Variants in SMG9 observed in about 807,000 individuals in gnomAD.
The protein encoded by SMG9 is SMG9 nonsense mediated mRNA decay factor, also known as nonsense-mediated mRNA decay factor SMG9.
A neutral mutation model predicts 64.0 loss-of-function variants in SMG9; 55 were observed. The ratio of observed to expected loss-of-function variants is 0.86; its 90% CI spans 0.69 to 1.08. The LOEUF (loss-of-function observed/expected upper bound fraction) is 1.08. Among genes scored for constraint, SMG9 ranks in the 50% least tolerant of loss-of-function variants. The pLI, the probability that SMG9 is intolerant of heterozygous loss-of-function variation, is 0.00. For missense variants in SMG9, 554 were observed against 681.3 expected (o/e 0.81, Z 2.08); for synonymous variants, 244 against 254.8 (o/e 0.96, Z 0.41).
Position 43,733,003 on chromosome 19 carries a change from C to G in SMG9, c.1340-1G>C, listed in dbSNP as rs761506566. ...GAGAAGAGTGGGCTGGAACCAGGTC[C>G]TGGAAAGTTGGGGCAGGGAGGGTAA... is the stretch of plus-strand genomic sequence containing the variant. On this transcript the variant is annotated splice_acceptor_variant, in intron 12 of 13. Transcript: ENST00000270066. LOFTEE classifies it high-confidence loss of function. The G allele has an allele frequency of 6.2e-7, 1 of 1,607,776 alleles. No individual in the cohort carries two copies. The highest frequency in any genetic ancestry group is 8.5e-7 in the Non-Finnish European group (1 of 1,176,952).
intron 12 of SMG9, 66 bp from the exon 13 acceptor site, chr19:43,733,068 A>G (rs1461224988): frequency 6.5e-7 from 1 of 1,531,818 alleles, no homozygotes; most frequent in African/African-American, 1.4e-5. Context: ...AGTTAACAGC[A>G]TCCTGGGCTT....
Position 43,747,549 on chromosome 19 carries a change from G to C in SMG9, c.491-10C>G, listed in dbSNP as rs766081072. ...GCCTGACCCACGACAGCTGGAGATT[G>C]GAGAAAGCAGGAGACAGAGGATGCA... On this transcript the variant is annotated splice_polypyrimidine_tract_variant and intron_variant, in intron 4 of 13. Coordinates refer to ENST00000270066, the MANE Select transcript of SMG9 (RefSeq NM_019108.4). The C allele has an allele frequency of 5.6e-6, 9 of 1,614,188 alleles. No homozygotes were observed. The highest frequency in any genetic ancestry group is 7.6e-6 in the Non-Finnish European group (9 of 1,180,038).
chr19:43,747,862 G>C lies in SMG9; in HGVS notation c.261C>G (p.Ala87=). 6.2e-7 allele frequency: 1 copy of C among 1,608,418 alleles called. No homozygotes were observed. The highest frequency in any genetic ancestry group is 8.5e-7 in the Non-Finnish European group (1 of 1,176,942). The stretch of plus-strand genomic sequence containing the variant: ...TCTCCAGAGGGGCTGGAGCAGGCGG[G>C]GCAGCAGGGGCTGTTGGAGGTGGTG... ...KQPPPPTAPA[A]PPAPAPLEKP... Residue 87 remains alanine (A), a synonymous_variant, in exon 4 of 14, where the codon GCC becomes GCG. Coordinates refer to ENST00000270066, the MANE Select transcript of SMG9 (RefSeq NM_019108.4).
In SMG9 at chr19:43,733,361, C is replaced by T. The variant is rs769472662; in HGVS notation, c.1302G>A (p.Met434Ile). Residue 434 changes from methionine (M) to isoleucine (I), a missense_variant, in exon 12 of 14, where the codon ATG (methionine) becomes ATA (isoleucine). By Grantham distance (10) the Met-to-Ile change is conservative. Transcript: ENST00000270066. ...SEVNLFLVPF[M>I]DSEAESENPP... ...GGTTTTCACTCTCTGCTTCACTGTC[C>T]ATGAAGGGTACCAGGAATAAGTTGA... 1.9e-6 allele frequency: 3 copies of T among 1,614,108 alleles called. No homozygotes were observed. The highest frequency in any genetic ancestry group is 3.3e-5 in the Admixed American group (2 of 60,004).
chr19:43,731,908 A>G (rs1052831535), intron 13 of SMG9, among the ~76,000 whole-genome samples: 2 of 152,218 alleles, frequency 1.3e-5, no homozygotes, highest in Non-Finnish European at 2.9e-5. Flanking sequence ...CAGGGCTTGG[A>G]CTAAGACCTC....
intron 8 of SMG9, 93 bp from the exon 9 acceptor site, chr19:43,737,775 A>C: frequency 7.8e-7 from 1 of 1,279,412 alleles, no homozygotes; most frequent in Non-Finnish European, 1.1e-6. Context: ...AGGAGGCAGC[A>C]AGGCAAGGAG....
intron 9 of SMG9, among the ~76,000 whole-genome samples, chr19:43,736,490 C>T (rs1968670287): frequency 6.6e-6 from 1 of 152,222 alleles, no homozygotes; most frequent in African/African-American, 2.4e-5. Flanking sequence ...CCAGTCTCTT[C>T]TGGAGGCATT....
Position 43,728,405 on chromosome 19 carries a change from C to A in SMG9, c.*3191G>T. ...TGATTGTAAGTTTCCTGAGGCCTCC[C>A]CAGAAGCCGAGCAGATGCCAGCACC... On this transcript the variant is annotated 3_prime_UTR_variant, in exon 14 of 14. Transcript: ENST00000270066. 2 of 154,332 alleles carry A rather than the reference C, an allele frequency of 1.3e-5. No individual in the cohort carries two copies. Among genetic ancestry groups the A allele is most frequent in the South Asian group, 1.9e-4 (1 of 5,242 alleles). 9.6% of individuals were successfully genotyped at this position (154,332 alleles called of 1,614,324 possible). A position where few individuals can be genotyped will look rare whatever the true frequency, so the allele number is the denominator to read the frequency against.
chr19:43,738,770 C>T (rs1968753920), intron 7 of SMG9, among the ~76,000 whole-genome samples: 1 of 152,222 alleles, frequency 6.6e-6, no homozygotes, highest in Non-Finnish European at 1.5e-5. Context: ...TTCACAACTG[C>T]TCGCGTTCTC....
rs780539390 is a variant in SMG9 at position 43,740,204 on chromosome 19, C to T, written c.716G>A (p.Arg239Gln). The change falls in exon 7 of 14, where the codon CGG becomes CAG. Residue 239 changes from arginine (R) to glutamine (Q), a missense_variant. Physicochemically the swap from Arg to Gln is conservative, Grantham distance 43. Transcript: ENST00000270066. ...PEEDQRTYVF[R>Q]AQSAEMKERG... Reference sequence around the variant, plus strand: ...TTCCTTCATTTCAGCGCTCTGGGCCCGGAAAACATAAGTCCTGTGGAGAGG... The same window carrying T: ...TTCCTTCATTTCAGCGCTCTGGGCCTGGAAAACATAAGTCCTGTGGAGAGG... The T allele has an allele frequency of 1.1e-5, 18 of 1,613,616 alleles. No homozygotes were observed. Among genetic ancestry groups the T allele is most frequent in the Middle Eastern group, 1.6e-4 (1 of 6,084 alleles).
At chr19:43,750,976 C>A (rs1969175253) in intron 1 of SMG9, among the ~76,000 whole-genome samples, 1 of 152,132 alleles carries the variant, frequency 6.6e-6, no homozygotes, top group Non-Finnish European at 1.5e-5. Flanking sequence ...AGGCACCCAC[C>A]ACCATGCCTG....
chr19:43,745,167 C>A (rs1215305101), intron 5 of SMG9, among the ~76,000 whole-genome samples: 1 of 152,252 alleles, frequency 6.6e-6, no homozygotes, highest in East Asian at 1.9e-4. Flanking sequence ...TGTGGCTGAA[C>A]ACAGCGGGAA....
chr19:43,732,708 A>T, intron 13 of SMG9, 150 bp downstream of exon 13: 1 of 895,914 alleles, frequency 1.1e-6, no homozygotes, highest in Non-Finnish European at 1.7e-6. Context: ...GATGCTTACA[A>T]GACAGTAGCA....
At chr19:43,743,549 A>G (rs750795712) in intron 6 of SMG9, among the ~76,000 whole-genome samples, 3 of 152,178 alleles carry the variant, frequency 2.0e-5, no homozygotes, top group Non-Finnish European at 2.9e-5. Context: ...TAATCCCAGC[A>G]CTTTGAGAGG....
Position 43,729,047 on chromosome 19 carries a change from C to G in SMG9, c.*2549G>C. The G allele has an allele frequency of 1.0e-6, 1 of 985,580 alleles. No homozygotes were observed. Among genetic ancestry groups the G allele is most frequent in the Non-Finnish European group, 1.2e-6 (1 of 830,042 alleles). The allele number at this position is 985,580 out of a possible 1,614,324, so 61.1% of individuals were successfully genotyped here. ...TGCTGGCAGCATCAGCCTGAGTCCT[C>G]TGCTGGATGTAAAGGGGGTGGCGGG... is the stretch of plus-strand genomic sequence containing the variant. On this transcript the variant is annotated 3_prime_UTR_variant, in exon 14 of 14. Transcript: ENST00000270066.
Position 43,744,817 on chromosome 19 carries a change from A to G in SMG9, c.656T>C (p.Met219Thr). 1.9e-6 allele frequency: 3 copies of G among 1,614,016 alleles called. No individual in the cohort carries two copies. Among genetic ancestry groups the G allele is most frequent in the Non-Finnish European group, 2.5e-6 (3 of 1,179,936 alleles). The part of the protein sequence containing the change: ...VLGLQGTGKS[M>T]VMSLLSANTP... The stretch of plus-strand genomic sequence containing the variant: ...GTTGGCTGACAACAATGACATGACC[A>G]TGGACTTGCCTGTCCCCTGGAGGCC... Residue 219 changes from methionine to threonine, a missense_variant, in exon 6 of 14, where the codon ATG (methionine) becomes ACG (threonine). Transcript: ENST00000270066.
intron 10 of SMG9, chr19:43,734,068 G>A (rs1183562115): frequency 3.8e-5 from 20 of 527,768 alleles, no homozygotes; most frequent in Non-Finnish European, 5.4e-5. Flanking sequence ...AGGTGGACGG[G>A]GCCACCCAGA....
At position 43,737,406 on chromosome 19, in the gene SMG9, T is replaced by C. The variant is rs552556541; in HGVS notation, c.995+191A>G. Reference sequence around the variant, plus strand: ...GACTTTGGATTTATTCTGGTAGATATGTAAAGTCAGTGGAGGGCTGTGTGT... The same window carrying C: ...GACTTTGGATTTATTCTGGTAGATACGTAAAGTCAGTGGAGGGCTGTGTGT... On this transcript the variant is annotated intron_variant, in intron 9 of 13. Coordinates refer to ENST00000270066, the MANE Select transcript of SMG9 (RefSeq NM_019108.4). Among the ~76,000 whole-genome samples the C allele has an allele frequency of 3.9e-5, 6 of 152,204 alleles. No individual in the cohort carries two copies. The East Asian group carries it at 7.7e-4, about 20-fold the overall frequency.
At chr19:43,746,742 T>G (rs1189194589) in intron 5 of SMG9, among the ~76,000 whole-genome samples, 3 of 121,806 alleles carry the variant, frequency 2.5e-5, no homozygotes, top group Non-Finnish European at 3.4e-5. Flanking sequence ...GAGCAGGGGG[T>G]GGTGGGATGG....
Sources: allele counts gnomAD v4.1 joint callset (sites outside exome capture counted in the v4.1 genomes callset), GRCh38; gene constraint gnomAD v4.1.1; transcripts MANE v1.5; gene names NCBI Gene and HGNC (gene_info 2026-07-23, HGNC 2026-07-21).